The following NARS2 variants were observed in gnomAD, a reference collection of about 807,000 sequenced individuals.
NARS2 encodes the protein asparaginyl-tRNA synthetase 2, mitochondrial, also known as asparaginyl-tRNA synthetase.
NARS2 carries 60 observed loss-of-function variants against 62.9 expected under a neutral mutation model. That is an observed-to-expected ratio of 0.95 (90% CI 0.77 to 1.18). The LOEUF is 1.18. Among genes scored for constraint, NARS2 ranks in the 50% most tolerant of loss-of-function variants. The probability of loss-of-function intolerance (pLI) is 0.00; values close to 1 mark genes in which losing one functional copy is unlikely to be tolerated. For missense variants in NARS2, 619 were observed against 576.4 expected (o/e 1.07, Z -0.76); for synonymous variants, 196 against 200.0 (o/e 0.98, Z 0.17).
Position 78,497,062 on chromosome 11 carries a change from G to A in NARS2, c.690-3867C>T, listed in dbSNP as rs118105433. 6.5e-4 allele frequency among the ~76,000 whole-genome samples: 99 copies of A among 152,038 alleles called. 1 individual carries two copies. In the East Asian group the frequency reaches 0.017, roughly 26 times the overall value. On this transcript the variant is annotated intron_variant, in intron 6 of 13. Transcript: ENST00000281038. The stretch of plus-strand genomic sequence containing the variant: ...CAGTATTGCTCTGAGAAGAGACCAG[G>A]AGAAAAAGAAAACACTCGGCACTAA...
chr11:78,511,550 T>A (rs1161044155), intron 6 of NARS2, among the ~76,000 whole-genome samples: 1 of 152,066 alleles, frequency 6.6e-6, no homozygotes. Context: ...ATCCCATCTC[T>A]ACTAAAAATA....
chr11:78,441,060 G>A, intron 13 of NARS2, 31 bp downstream of exon 13: 8 of 1,603,290 alleles, frequency 5.0e-6, no homozygotes, highest in Non-Finnish European at 6.8e-6. Context: ...CAAGCAGCTA[G>A]AGTAAGAATT....
intron 5 of NARS2, among the ~76,000 whole-genome samples, chr11:78,539,043 T>C (rs1417967285): frequency 1.6e-5 from 2 of 127,684 alleles, no homozygotes; most frequent in Admixed American, 8.1e-5. Context: ...GTTAGACAGG[T>C]AGGCAGAAAT....
intron 5 of NARS2, among the ~76,000 whole-genome samples, chr11:78,530,768 A>C (rs1861448929): frequency 6.6e-6 from 1 of 152,194 alleles, no homozygotes; most frequent in African/African-American, 2.4e-5. Flanking sequence ...TGCCCGGCCT[A>C]TGACTAGATT....
intron 13 of NARS2, among the ~76,000 whole-genome samples, chr11:78,439,474 G>T (rs1044613420): frequency 6.6e-6 from 1 of 152,114 alleles, no homozygotes; most frequent in Non-Finnish European, 1.5e-5. Context: ...GAAAAGAAAG[G>T]GGGTAGGAAA....
At chr11:78,497,381 T>C (rs891642681) in intron 6 of NARS2, among the ~76,000 whole-genome samples, 1 of 152,072 alleles carries the variant, frequency 6.6e-6, no homozygotes, top group Non-Finnish European at 1.5e-5. Context: ...GGCCCTGAAA[T>C]TTCACAGTGA....
intron 11 of NARS2, among the ~76,000 whole-genome samples, chr11:78,456,083 T>C (rs1257433809): frequency 1.3e-5 from 2 of 152,186 alleles, no homozygotes; most frequent in Non-Finnish European, 2.9e-5. Context: ...ACAATATAAA[T>C]AATTTCTCAA....
chr11:78,525,447 A>G (rs1160627266), intron 6 of NARS2, among the ~76,000 whole-genome samples: 1 of 152,202 alleles, frequency 6.6e-6, no homozygotes, highest in Non-Finnish European at 1.5e-5. Context: ...AAGGGGCGTA[A>G]GAATCAATCT....
intron 5 of NARS2, among the ~76,000 whole-genome samples, chr11:78,551,923 C>T: frequency 6.6e-6 from 1 of 152,050 alleles, no homozygotes; most frequent in East Asian, 1.9e-4. Context: ...CTAAAGCTAT[C>T]CAACTTTATT....
intron 9 of NARS2, among the ~76,000 whole-genome samples, chr11:78,474,816 TTATG>T (rs1259651676): frequency 1.3e-5 from 2 of 152,216 alleles, no homozygotes; most frequent in African/African-American, 4.8e-5. Flanking sequence ...GACAAATATT[TTATG>T]TATTTACAGG....
chr11:78,535,744 A>G (rs2135445500), intron 5 of NARS2, among the ~76,000 whole-genome samples: 1 of 151,998 alleles, frequency 6.6e-6, no homozygotes, highest in Admixed American at 6.6e-5. Flanking sequence ...GAGCCTCCCA[A>G]GTAGCTGGGA....
At chr11:78,492,118 C>CACAG (rs1211583722) in intron 7 of NARS2, among the ~76,000 whole-genome samples, 27 of 151,622 alleles carry the variant, frequency 1.8e-4, no homozygotes, top group Non-Finnish European at 1.8e-4. Context: ...TACAGACACA[C>CACAG]ACACACACAC....
chr11:78,436,966 G>T, intron 13 of NARS2, 152 bp from the exon 14 acceptor site: 1 of 735,916 alleles, frequency 1.4e-6, no homozygotes. Flanking sequence ...GACAGACAAT[G>T]GAAAGGAAGA....
intron 6 of NARS2, among the ~76,000 whole-genome samples, chr11:78,523,570 C>T (rs1861202098): frequency 6.6e-6 from 1 of 152,180 alleles, no homozygotes; most frequent in Non-Finnish European, 1.5e-5. Flanking sequence ...CCCAAATGCT[C>T]ATTATCTGAT....
At chr11:78,490,539 G>A (rs1318717428) in intron 7 of NARS2, among the ~76,000 whole-genome samples, 1 of 152,140 alleles carries the variant, frequency 6.6e-6, no homozygotes, top group Non-Finnish European at 1.5e-5. Flanking sequence ...AAATGAGGCT[G>A]GGCATGCTGG....
At chr11:78,441,221 T>A in intron 12 of NARS2, 104 bp from the exon 13 acceptor site, 1 of 1,030,992 alleles carries the variant, frequency 9.7e-7, no homozygotes, top group Non-Finnish European at 1.4e-6. Context: ...TATGAAGAAG[T>A]AGACGACAAA....
intron 5 of NARS2, among the ~76,000 whole-genome samples, chr11:78,552,248 T>C (rs1206462654): frequency 6.6e-6 from 1 of 152,236 alleles, no homozygotes; most frequent in East Asian, 1.9e-4. Flanking sequence ...ATGCGGTATT[T>C]AGTTTTCTGT....
At chr11:78,564,664 C>A (rs971724518) in intron 4 of NARS2, among the ~76,000 whole-genome samples, 2 of 152,158 alleles carry the variant, frequency 1.3e-5, no homozygotes, top group East Asian at 3.8e-4. Context: ...GCTGTTGAAG[C>A]CATGTGGTTA....
At chr11:78,451,673 A>G (rs1857976705) in intron 11 of NARS2, among the ~76,000 whole-genome samples, 1 of 152,242 alleles carries the variant, frequency 6.6e-6, no homozygotes, top group African/African-American at 2.4e-5. Context: ...ATGAATAAAT[A>G]AAAAGTGCTA....
Sources: allele counts gnomAD v4.1 joint callset (sites outside exome capture counted in the v4.1 genomes callset), GRCh38; gene constraint gnomAD v4.1.1; transcripts MANE v1.5; gene names NCBI Gene and HGNC (gene_info 2026-07-23, HGNC 2026-07-21).